The following ASIC2 variants were observed in gnomAD, a reference collection of about 807,000 sequenced individuals.
ASIC2 encodes the protein acid-sensing ion channel 2.
In ASIC2, 25 loss-of-function variants were observed where a neutral mutation model predicts 57.3. That is an observed-to-expected ratio of 0.44 (90% confidence interval 0.32 to 0.61). The LOEUF (loss-of-function observed/expected upper bound fraction) is 0.61. ASIC2 is among the 20% of genes least tolerant of loss of function. The pLI is 0.06. For synonymous variants in ASIC2, 319 were observed against 307.5 expected, an observed-to-expected ratio of 1.04 and a Z score of -0.39; for missense variants, 641 against 738.1, an observed-to-expected ratio of 0.87 and a Z score of 1.52.
chr17:33,054,075 C>T (rs1375010447), intron 3 of ASIC2, among the ~76,000 whole-genome samples: 2 of 152,096 alleles, frequency 1.3e-5, no homozygotes, highest in East Asian at 3.9e-4. Flanking sequence ...CAGCCTGCAA[C>T]CATCTACCCA....
intron 1 of ASIC2, chr17:33,534,568 TG>T (rs1915164536): frequency 6.6e-6 from 1 of 152,254 alleles, no homozygotes; most frequent in African/African-American, 2.4e-5. Flanking sequence ...GCGTAGGGTT[TG>T]CAAGGCCTCT....
At chr17:33,759,340 C>T (rs1910709789) in intron 1 of ASIC2, among the ~76,000 whole-genome samples, 1 of 152,152 alleles carries the variant, frequency 6.6e-6, no homozygotes, top group Non-Finnish European at 1.5e-5. Context: ...AATGCTCAGG[C>T]TGCTTCATGA....
chr17:33,038,294 CTT>C (rs2091917199), intron 3 of ASIC2, among the ~76,000 whole-genome samples: 1 of 152,226 alleles, frequency 6.6e-6, no homozygotes, highest in Non-Finnish European at 1.5e-5. Context: ...CCTTGGCTCT[CTT>C]TACAATTTGG....
intron 1 of ASIC2, among the ~76,000 whole-genome samples, chr17:33,979,846 T>C (rs1462847754): frequency 6.6e-6 from 1 of 152,128 alleles, no homozygotes; most frequent in Non-Finnish European, 1.5e-5. Flanking sequence ...ACACCTTCAA[T>C]AATGAAGAAC....
At chr17:33,681,491 C>T (rs1907999439) in intron 1 of ASIC2, among the ~76,000 whole-genome samples, 2 of 108,288 alleles carry the variant, frequency 1.8e-5, no homozygotes, top group African/African-American at 1.5e-4. Context: ...TTTAGGGTGA[C>T]CCTAATTCTG....
chr17:33,198,773 AG>A (rs1297837888), intron 1 of ASIC2, among the ~76,000 whole-genome samples: 1 of 152,226 alleles, frequency 6.6e-6, no homozygotes, highest in African/African-American at 2.4e-5. Flanking sequence ...AGGCAAATAA[AG>A]GTTTCTTCAA....
chr17:34,063,889 T>C (rs997692929), intron 1 of ASIC2, among the ~76,000 whole-genome samples: 2 of 152,066 alleles, frequency 1.3e-5, no homozygotes, highest in East Asian at 3.9e-4. Flanking sequence ...CACAAACAAA[T>C]GGAAACACAT....
At chr17:33,366,387 C>T (rs1231695232) in intron 1 of ASIC2, among the ~76,000 whole-genome samples, 1 of 152,216 alleles carries the variant, frequency 6.6e-6, no homozygotes, top group African/African-American at 2.4e-5. Context: ...TCTCTAGATG[C>T]TCTCAGCTCT....
chr17:33,728,350 T>C (rs1019040200), intron 1 of ASIC2, among the ~76,000 whole-genome samples: 1 of 152,078 alleles, frequency 6.6e-6, no homozygotes, highest in Non-Finnish European at 1.5e-5. Flanking sequence ...TCCCCTAAAA[T>C]TGTACCCTGA....
chr17:33,921,099 C>T (rs751597779), intron 1 of ASIC2, among the ~76,000 whole-genome samples: 6 of 152,158 alleles, frequency 3.9e-5, no homozygotes, highest in South Asian at 2.1e-4. Context: ...TTGTGTCTCA[C>T]GTTCGCTGTG....
intron 1 of ASIC2, among the ~76,000 whole-genome samples, chr17:33,276,798 C>T (rs1904723323): frequency 6.6e-6 from 1 of 152,192 alleles, no homozygotes; most frequent in South Asian, 2.1e-4. Flanking sequence ...CTGGGGGAAG[C>T]CGCTTTGCTT....
chr17:33,281,279 C>T (rs1045621847), intron 1 of ASIC2, among the ~76,000 whole-genome samples: 2 of 152,130 alleles, frequency 1.3e-5, no homozygotes, highest in African/African-American at 4.8e-5. Flanking sequence ...AGAATTGTAA[C>T]AATATACAGA....
intron 1 of ASIC2, among the ~76,000 whole-genome samples, chr17:33,272,381 G>A (rs1282779506): frequency 1.3e-5 from 2 of 152,192 alleles, no homozygotes; most frequent in Non-Finnish European, 2.9e-5. Flanking sequence ...AATGCTAACA[G>A]GAGCTAGCAC....
At chr17:33,726,049 C>T (rs575144678) in intron 1 of ASIC2, among the ~76,000 whole-genome samples, 5 of 152,332 alleles carry the variant, frequency 3.3e-5, no homozygotes, top group South Asian at 4.1e-4. Context: ...AAGACTCTCA[C>T]CTTTCCACAT....
intron 1 of ASIC2, among the ~76,000 whole-genome samples, chr17:33,903,386 G>A (rs947955263): frequency 3.3e-5 from 5 of 152,162 alleles, no homozygotes; most frequent in African/African-American, 9.7e-5. Context: ...TTTCCAAAAT[G>A]TGTTTTATAG....
intron 1 of ASIC2, among the ~76,000 whole-genome samples, chr17:34,053,514 G>T (rs1280523552): frequency 6.6e-6 from 1 of 152,172 alleles, no homozygotes; most frequent in Non-Finnish European, 1.5e-5. Context: ...CAGTATTAAA[G>T]ATATTAATAA....
At chr17:33,741,809 T>A (rs1910121080) in intron 1 of ASIC2, among the ~76,000 whole-genome samples, 2 of 152,154 alleles carry the variant, frequency 1.3e-5, no homozygotes, top group African/African-American at 4.8e-5. Flanking sequence ...TTGCTGACAT[T>A]CAGATAGCCC....
At chr17:33,205,301 G>A (rs1907020790) in intron 1 of ASIC2, among the ~76,000 whole-genome samples, 1 of 152,206 alleles carries the variant, frequency 6.6e-6, no homozygotes. Flanking sequence ...CCCCTGCCTT[G>A]TGCCTCTGGA....
chr17:34,152,678 A>G (rs1475150218), intron 1 of ASIC2, among the ~76,000 whole-genome samples: 1 of 152,212 alleles, frequency 6.6e-6, no homozygotes, highest in East Asian at 1.9e-4. Flanking sequence ...TAAGTCAAAT[A>G]TTACTATCAC....
Sources: gnomAD v4.1 joint callset for allele counts (sites outside exome capture counted in the v4.1 genomes callset) on GRCh38, gnomAD v4.1.1 for gene constraint, MANE v1.5 for transcripts, NCBI Gene and HGNC (gene_info 2026-07-23, HGNC 2026-07-21) for gene names.